Variants in MGAT4C observed in about 807,000 individuals in gnomAD.
MGAT4C encodes alpha-1,3-mannosyl-glycoprotein 4-beta-N-acetylglucosaminyltransferase C.
In MGAT4C, 19 loss-of-function variants were observed where a neutral mutation model predicts 40.1. That is an observed-to-expected ratio of 0.47 (90% CI 0.33 to 0.70). The LOEUF is 0.70. MGAT4C is among the 30% of genes least tolerant of loss of function. MGAT4C has a pLI of 0.02. For missense variants in MGAT4C, 491 were observed against 563.2 expected (o/e 0.87, Z 1.30); for synonymous variants, 181 against 187.1 (o/e 0.97, Z 0.27).
At chr12:86,098,320 G>C (rs1194593399) in intron 1 of MGAT4C, among the ~76,000 whole-genome samples, 1 of 151,270 alleles carries the variant, frequency 6.6e-6, no homozygotes, top group Non-Finnish European at 1.5e-5. Context: ...TTGTTATTTT[G>C]TTTCTTTTTG....
intron 2 of MGAT4C, among the ~76,000 whole-genome samples, chr12:86,627,591 C>A (rs1378546327): frequency 6.6e-6 from 1 of 152,172 alleles, no homozygotes; most frequent in Non-Finnish European, 1.5e-5. Context: ...TGGTGATACC[C>A]AGGCAAACAG....
intron 1 of MGAT4C, among the ~76,000 whole-genome samples, chr12:86,235,780 T>C (rs968031207): frequency 1.3e-5 from 2 of 152,064 alleles, no homozygotes; most frequent in African/African-American, 4.8e-5. Context: ...AGATACTTGC[T>C]TCCTTCATTA....
intron 3 of MGAT4C, among the ~76,000 whole-genome samples, chr12:86,350,979 C>A (rs1187020100): frequency 1.3e-5 from 2 of 150,784 alleles, no homozygotes; most frequent in African/African-American, 4.9e-5. Flanking sequence ...ATATATATAT[C>A]TATATATATA....
At chr12:86,012,521 A>C (rs917175187) in intron 2 of MGAT4C, among the ~76,000 whole-genome samples, 2 of 151,724 alleles carry the variant, frequency 1.3e-5, no homozygotes, top group Non-Finnish European at 2.9e-5. Context: ...CAGGTGGATT[A>C]CCTGAGGTCA....
intron 2 of MGAT4C, among the ~76,000 whole-genome samples, chr12:86,559,976 A>G (rs558375914): frequency 2.0e-5 from 3 of 152,140 alleles, no homozygotes; most frequent in African/African-American, 7.2e-5. Context: ...AGAGACTTTA[A>G]ATCACAGATA....
At chr12:86,556,284 AACTT>A (rs1404985973) in intron 2 of MGAT4C, among the ~76,000 whole-genome samples, 1 of 152,218 alleles carries the variant, frequency 6.6e-6, no homozygotes, top group Non-Finnish European at 1.5e-5. Flanking sequence ...GCAAGAATAA[AACTT>A]AATATTTGTT....
chr12:86,063,335 G>A (rs990079704), intron 1 of MGAT4C, among the ~76,000 whole-genome samples: 7 of 152,148 alleles, frequency 4.6e-5, no homozygotes, highest in African/African-American at 1.7e-4. Flanking sequence ...GAGAGATTTT[G>A]TCACCACCAG....
intron 1 of MGAT4C, among the ~76,000 whole-genome samples, chr12:86,230,736 C>T (rs12305480): frequency 6.6e-6 from 1 of 152,076 alleles, no homozygotes; most frequent in African/African-American, 2.4e-5. Flanking sequence ...AATCTCTGAG[C>T]AACACAAAAG....
intron 4 of MGAT4C, among the ~76,000 whole-genome samples, chr12:86,298,649 T>C (rs1953737844): frequency 6.6e-6 from 1 of 152,124 alleles, no homozygotes; most frequent in South Asian, 2.1e-4. Flanking sequence ...TGAAAAATTG[T>C]TTTGGAGAAA....
At chr12:86,810,055 C>G (rs1406339799) in intron 1 of MGAT4C, among the ~76,000 whole-genome samples, 2 of 152,006 alleles carry the variant, frequency 1.3e-5, no homozygotes, top group Non-Finnish European at 2.9e-5. Flanking sequence ...CATTTTGTAA[C>G]TTTCATTGTA....
At chr12:86,618,693 G>A (rs1262775663) in intron 2 of MGAT4C, among the ~76,000 whole-genome samples, 3 of 152,004 alleles carry the variant, frequency 2.0e-5, no homozygotes, top group Non-Finnish European at 4.4e-5. Flanking sequence ...TCTGTGGTGG[G>A]GGATAAAAAG....
At chr12:86,717,263 C>A (rs575594013) in intron 2 of MGAT4C, among the ~76,000 whole-genome samples, 4 of 150,846 alleles carry the variant, frequency 2.7e-5, no homozygotes, top group African/African-American at 9.7e-5. Context: ...TTCTTAAACA[C>A]CTTATATAAG....
intron 2 of MGAT4C, among the ~76,000 whole-genome samples, chr12:86,492,256 A>G (rs1461853541): frequency 6.6e-6 from 1 of 152,220 alleles, no homozygotes; most frequent in African/African-American, 2.4e-5. Context: ...CATCCCCATC[A>G]AGCTACCAAT....
At chr12:86,411,287 A>G (rs570094854) in intron 3 of MGAT4C, among the ~76,000 whole-genome samples, 2 of 152,324 alleles carry the variant, frequency 1.3e-5, no homozygotes, top group South Asian at 4.1e-4. Flanking sequence ...AATGAGGGAA[A>G]GTTTGGAAAT....
chr12:86,594,158 A>G (rs1961440477), intron 2 of MGAT4C, among the ~76,000 whole-genome samples: 1 of 152,156 alleles, frequency 6.6e-6, no homozygotes. Context: ...TGTTTTCACC[A>G]GGAACTCAGC....
chr12:86,785,588 A>C (rs562953623), intron 1 of MGAT4C, among the ~76,000 whole-genome samples: 1 of 152,040 alleles, frequency 6.6e-6, no homozygotes, highest in African/African-American at 2.4e-5. Flanking sequence ...TAGTAAAAAT[A>C]TTTTATATTC....
chr12:86,449,082 C>T (rs1327515767), intron 2 of MGAT4C, among the ~76,000 whole-genome samples: 1 of 151,964 alleles, frequency 6.6e-6, no homozygotes. Flanking sequence ...GTTAGTTGGG[C>T]TAAGACAAAA....
chr12:86,035,148 G>A lies in MGAT4C; in HGVS notation c.-7+14526C>T, dbSNP rs549425027. On this transcript the variant is annotated intron_variant, in intron 2 of 4. Transcript: ENST00000611864. ...TTCTAGTTCTAGATAAATTGCCACCGTCTCTTCCACAATGGTTGAACTAAT... is the reference window on the plus strand; with the variant it reads ...TTCTAGTTCTAGATAAATTGCCACCATCTCTTCCACAATGGTTGAACTAAT... 3.9e-4 allele frequency among the ~76,000 whole-genome samples: 58 copies of A among 149,620 alleles called. 2 individuals carry two copies. Among genetic ancestry groups the A allele is most frequent in the Non-Finnish European group, 7.2e-4 (48 of 66,622 alleles).
chr12:86,147,903 GTCTC>G (rs1274842955), intron 1 of MGAT4C, among the ~76,000 whole-genome samples: 1 of 152,108 alleles, frequency 6.6e-6, no homozygotes, highest in African/African-American at 2.4e-5. Context: ...ATATAAAGTG[GTCTC>G]TCTAAGACAA....
Sources: allele counts gnomAD v4.1 joint callset (sites outside exome capture counted in the v4.1 genomes callset), GRCh38; gene constraint gnomAD v4.1.1; transcripts MANE v1.5; gene names NCBI Gene and HGNC (gene_info 2026-07-23, HGNC 2026-07-21).